FAM171A1: variants seen among roughly 807,000 people sequenced by gnomAD.
FAM171A1 encodes family with sequence similarity 171 member A1, also known as protein FAM171A1.
Under a neutral mutation model 74.9 loss-of-function variants are expected in FAM171A1, and 23 were observed. The ratio of observed to expected loss-of-function variants is 0.31; its 90% CI spans 0.22 to 0.44. The LOEUF (loss-of-function observed/expected upper bound fraction) is 0.44, where lower values mean the gene tolerates loss of function less well. FAM171A1 is among the 20% of genes least tolerant of loss of function. The pLI is 1.00. For synonymous variants in FAM171A1, 527 were observed against 505.7 expected (o/e 1.04, Z -0.57); for missense variants, 1,162 against 1,159.2 (o/e 1.00, Z -0.03).
intron 1 of FAM171A1, among the ~76,000 whole-genome samples, chr10:15,299,138 C>T (rs753520786): frequency 6.6e-6 from 1 of 152,160 alleles, no homozygotes; most frequent in African/African-American, 2.4e-5. Flanking sequence ...AGGCTGGTCT[C>T]AAACTCCCGA....
intron 1 of FAM171A1, among the ~76,000 whole-genome samples, chr10:15,291,435 T>A (rs1227548982): frequency 6.6e-6 from 1 of 152,240 alleles, no homozygotes; most frequent in Non-Finnish European, 1.5e-5. Context: ...AGGCTCATTG[T>A]AAGCGCTCAA....
intron 1 of FAM171A1, among the ~76,000 whole-genome samples, chr10:15,289,832 C>T (rs1323995376): frequency 6.6e-6 from 1 of 152,242 alleles, no homozygotes; most frequent in African/African-American, 2.4e-5. Flanking sequence ...AACACAGCCA[C>T]GCCCCATCAT....
At position 15,213,751 on chromosome 10, in the gene FAM171A1, T is replaced by C. The variant is rs746009349; in HGVS notation, c.1837A>G (p.Arg613Gly). Reference sequence around the variant, plus strand: ...GGATTGGACAGCTCAGCCTGTAGTCTTTCTATCTCAAGCTGCTGATCAGCC... The same window carrying C: ...GGATTGGACAGCTCAGCCTGTAGTCCTTCTATCTCAAGCTGCTGATCAGCC... ...VPADQQLEIE[R>G]LQAELSNPHA... Residue 613 changes from arginine (R) to glycine (G), a missense_variant, in exon 8 of 8, where the codon AGA becomes GGA. Coordinates refer to ENST00000378116, the MANE Select transcript of FAM171A1 (RefSeq NM_001010924.2). The surrounding 1 kb of genome is among the most constrained non-coding windows in gnomAD (Gnocchi z 6.8). The C allele has an allele frequency of 1.5e-5, 24 of 1,613,866 alleles. No homozygotes were observed. The highest frequency in any genetic ancestry group is 1.3e-4 in the East Asian group (6 of 44,894).
intron 1 of FAM171A1, among the ~76,000 whole-genome samples, chr10:15,298,528 A>C (rs1245031059): frequency 6.6e-6 from 1 of 152,218 alleles, no homozygotes; most frequent in African/African-American, 2.4e-5. Context: ...TTATCTCGGG[A>C]AACTTCTCCA....
intron 2 of FAM171A1, among the ~76,000 whole-genome samples, chr10:15,279,211 A>G (rs2131803825): frequency 6.6e-6 from 1 of 152,348 alleles, no homozygotes; most frequent in East Asian, 1.9e-4. Flanking sequence ...AATATTTGGT[A>G]CTTTCATATA....
intron 1 of FAM171A1, among the ~76,000 whole-genome samples, chr10:15,297,232 T>C (rs1408701047): frequency 6.6e-6 from 1 of 152,022 alleles, no homozygotes; most frequent in Non-Finnish European, 1.5e-5. Context: ...TTAATTTTGG[T>C]ATTTTTAGTA....
At chr10:15,336,477 A>T (rs1012551485) in intron 1 of FAM171A1, among the ~76,000 whole-genome samples, 4 of 152,306 alleles carry the variant, frequency 2.6e-5, no homozygotes, top group Admixed American at 2.0e-4. Flanking sequence ...CACACACAGT[A>T]ACATTTTCTC....
intron 1 of FAM171A1, among the ~76,000 whole-genome samples, chr10:15,360,146 T>C (rs182777798): frequency 3.2e-4 from 48 of 152,276 alleles, no homozygotes; most frequent in African/African-American, 1.1e-3. Flanking sequence ...TTGCACAGGG[T>C]AGTCTTAAAT....
chr10:15,266,162 G>A (rs1158478195), intron 3 of FAM171A1, among the ~76,000 whole-genome samples: 2 of 152,186 alleles, frequency 1.3e-5, no homozygotes, highest in African/African-American at 4.8e-5. Flanking sequence ...CTGGCTCACA[G>A]AAGGCCTGGC....
chr10:15,212,662 C>T lies in FAM171A1; in HGVS notation c.*253G>A. On this transcript the variant is annotated 3_prime_UTR_variant, in exon 8 of 8. Coordinates refer to ENST00000378116, the MANE Select transcript of FAM171A1 (RefSeq NM_001010924.2). The stretch of plus-strand genomic sequence containing the variant: ...GTCCCTGGTGGCGGATACGCCGAGT[C>T]CTCGGAAGGACATCTGGACACCACT... 1 of 543,536 alleles carries T rather than the reference C, an allele frequency of 1.8e-6. No homozygotes were observed. The highest frequency in any genetic ancestry group is 3.7e-5 in the Admixed American group (1 of 26,968). The allele number at this position is 543,536 out of a possible 1,614,324, so 33.7% of individuals were successfully genotyped here.
intron 1 of FAM171A1, among the ~76,000 whole-genome samples, chr10:15,331,839 A>ATG (rs71390030): frequency 0.027 from 2,780 of 104,660 alleles, 48 homozygotes; most frequent in African/African-American, 0.036. Context: ...GTGTATATAT[A>ATG]TGTGTGTATA....
intron 3 of FAM171A1, among the ~76,000 whole-genome samples, chr10:15,267,422 G>C (rs1316699457): frequency 6.6e-5 from 10 of 152,102 alleles, no homozygotes; most frequent in Admixed American, 5.2e-4. Flanking sequence ...GGCCAACATG[G>C]TGAAACCACG....
At chr10:15,226,637 G>GCACATTC (rs1834111346) in intron 5 of FAM171A1, among the ~76,000 whole-genome samples, 1 of 152,140 alleles carries the variant, frequency 6.6e-6, no homozygotes, top group Non-Finnish European at 1.5e-5. Flanking sequence ...ATTTCCTCCT[G>GCACATTC]CTCTGTGAAT....
intron 1 of FAM171A1, among the ~76,000 whole-genome samples, chr10:15,329,627 TAA>T (rs11302159): frequency 0.51 from 71,385 of 140,876 alleles, 17,952 homozygotes; most frequent in East Asian, 0.79. Context: ...CCATCTCACT[TAA>T]AAAAAAAAAA....
intron 1 of FAM171A1, among the ~76,000 whole-genome samples, chr10:15,328,962 C>A (rs1835592710): frequency 1.3e-5 from 2 of 152,180 alleles, no homozygotes; most frequent in African/African-American, 4.8e-5. Context: ...GAAAGTTACA[C>A]CAAGAACCTG....
chr10:15,235,354 C>G (rs1027001482), intron 5 of FAM171A1, among the ~76,000 whole-genome samples: 9 of 148,484 alleles, frequency 6.1e-5, no homozygotes, highest in African/African-American at 1.5e-4. Context: ...TCAGCTGAGT[C>G]GGCCTTAGGT....
rs1403196224 is a variant in FAM171A1, at chr10:15,220,969, C to T, written c.846G>A (p.Val282=). 6.2e-6 allele frequency: 10 copies of T among 1,613,782 alleles called. No homozygotes were observed. Among genetic ancestry groups the T allele is most frequent in the African/African-American group, 2.7e-5 (2 of 74,928 alleles). The change falls in exon 6 of 8, where the codon GTG becomes GTA. Residue 282 remains valine (V), a synonymous_variant. Transcript: ENST00000378116. Reference sequence around the variant, plus strand: ...CTGGGATGGGAGGGGACATGGCGGCCACCCAGTACCCCAACTGGGGGGCAA... The same window carrying T: ...CTGGGATGGGAGGGGACATGGCGGCTACCCAGTACCCCAACTGGGGGGCAA... ...TYIAPQLGYW[V]AAMSPPIPGP...
At chr10:15,320,190 T>G (rs1256083140) in intron 1 of FAM171A1, among the ~76,000 whole-genome samples, 1 of 152,186 alleles carries the variant, frequency 6.6e-6, no homozygotes, top group Admixed American at 6.5e-5. Flanking sequence ...ATACTCAGTG[T>G]TTAGCTCCCA....
chr10:15,266,397 G>A (rs1834741376), intron 3 of FAM171A1, among the ~76,000 whole-genome samples: 2 of 152,220 alleles, frequency 1.3e-5, no homozygotes, highest in African/African-American at 2.4e-5. Context: ...AGGGGCAGGC[G>A]GTGTGACTCT....
Sources: gnomAD v4.1 joint callset for allele counts (sites outside exome capture counted in the v4.1 genomes callset) on GRCh38, gnomAD v4.1.1 for gene constraint, Gnocchi (gnomAD v3.1) non-coding constraint, MANE v1.5 for transcripts, NCBI Gene and HGNC (gene_info 2026-07-23, HGNC 2026-07-21) for gene names.